SRPRA: variants seen among roughly 807,000 people sequenced by gnomAD.
The protein encoded by SRPRA is SRP receptor subunit alpha.
Under a neutral mutation model 61.1 loss-of-function variants are expected in SRPRA, and 30 were observed. The observed-to-expected ratio is 0.49, with a 90% confidence interval of 0.37 to 0.67. The LOEUF (loss-of-function observed/expected upper bound fraction) is 0.67. SRPRA is among the 30% of genes least tolerant of loss of function. The pLI, the probability that SRPRA is intolerant of heterozygous loss-of-function variation, is 0.00. For missense variants in SRPRA, 759 were observed against 828.4 expected (o/e 0.92, Z 1.03); for synonymous variants, 324 against 299.7 (o/e 1.08, Z -0.84).
At chr11:126,256,539 G>T in the SRPRA span, 2 of 1,606,964 alleles carry the variant, frequency 1.2e-6, no homozygotes, top group Non-Finnish European at 1.7e-6. The surrounding 1 kb of genome is among the most constrained non-coding windows in gnomAD (Gnocchi z 6.6). Flanking sequence ...TCTTCACAAT[G>T]TCAATATGTT....
Position 126,267,709 on chromosome 11 carries a change from C to A in SRPRA, c.205G>T (p.Gly69Cys). ...GTCAGTGTCAGGATCTTCTGAAAAC[C>A]AACCTGTTTAGGGGAAGAAACAGCC... ...DNQFELVFVV[G>C]FQKILTLTYV... The change falls in exon 3 of 14, where the codon GGT (glycine) becomes TGT (cysteine). Residue 69 changes from glycine to cysteine, a missense_variant. This residue lies in a region of SRPRA where 475 missense variants were observed against 462.5 expected (regional missense o/e 1.03). Transcript: ENST00000332118. This position sits in a 1 kb window ranked among gnomAD's most constrained non-coding sequence, Gnocchi z 4.2. 6.2e-7 allele frequency: 1 copy of A among 1,613,996 alleles called. No homozygotes were observed. Among genetic ancestry groups the A allele is most frequent in the Non-Finnish European group, 8.5e-7 (1 of 1,180,008 alleles).
chr11:126,262,794 C>T (rs1406571179), downstream of SRPRA: 5 of 152,656 alleles, frequency 3.3e-5, no homozygotes, highest in South Asian at 6.2e-4. Flanking sequence ...TCAGGACAAC[C>T]GTTTACTTAC....
chr11:126,261,870 T>C (rs917703987), downstream of SRPRA, among the ~76,000 whole-genome samples: 4 of 152,076 alleles, frequency 2.6e-5, no homozygotes, highest in African/African-American at 9.7e-5. Flanking sequence ...TGTGTGCCTA[T>C]AGTCCCGGCT....
At chr11:126,242,493 A>T in the SRPRA span, among the ~76,000 whole-genome samples, 1 of 152,258 alleles carries the variant, frequency 6.6e-6, no homozygotes, top group East Asian at 1.9e-4. Context: ...CACATATCTC[A>T]TAGGCGTATA....
the SRPRA span, chr11:126,256,761 GATTAAAGTC>G: frequency 1.9e-6 from 3 of 1,614,124 alleles, no homozygotes; most frequent in Non-Finnish European, 2.5e-6. This position sits in a 1 kb window ranked among gnomAD's most constrained non-coding sequence, Gnocchi z 6.6. Flanking sequence ...TGGACAAGGG[GATTAAAGTC>G]ATCTCCTATG....
rs1169179991 is a variant in SRPRA, at chr11:126,267,592, T to G, written c.322A>C (p.Asn108His). 6.2e-7 allele frequency: 1 copy of G among 1,614,086 alleles called. No individual in the cohort carries two copies. Among genetic ancestry groups the G allele is most frequent in the African/African-American group, 1.3e-5 (1 of 75,054 alleles). The change falls in exon 3 of 14, where the codon AAT (asparagine) becomes CAT (histidine). Residue 108 changes from asparagine (N) to histidine (H), a missense_variant. Around this residue, in one of 2 missense-constraint regions of SRPRA, gnomAD observed 475 missense variants for 462.5 expected, o/e 1.03. Transcript: ENST00000332118. The surrounding 1 kb of genome is among the most constrained non-coding windows in gnomAD (Gnocchi z 4.2). ...TCATTTTGGAAATCAAAAGTGCCAT[T>G]TAATAAACTTAAAGCACTTTGCTGT... ...IQQQSALSLL[N>H]GTFDFQNDFL...
In SRPRA at chr11:126,266,477, A is replaced by C; in HGVS notation, c.839T>G (p.Leu280Arg). The change falls in exon 6 of 14, where the codon CTG (leucine) becomes CGG (arginine). Residue 280 changes from leucine (L) to arginine (R), a missense_variant and splice_region_variant. By Grantham distance (102) the Leu-to-Arg change is moderately radical. Transcript: ENST00000332118. Reference sequence around the variant, plus strand: ...ACTTTGACCCCTGTTACCTCTTACCAGGTTGATGTCCTCAGACAAGGCAGC... The same window carrying C: ...ACTTTGACCCCTGTTACCTCTTACCCGGTTGATGTCCTCAGACAAGGCAGC... ...PEAALSEDIN[L>R]IRGTGSGGQL... The C allele has an allele frequency of 6.2e-7, 1 of 1,613,510 alleles. No homozygotes were observed. Among genetic ancestry groups the C allele is most frequent in the Non-Finnish European group, 8.5e-7 (1 of 1,179,670 alleles).
At position 126,264,055 on chromosome 11, in the gene SRPRA, A is replaced by T; in HGVS notation, c.1789-11T>A. 1 of 1,614,060 alleles carries T rather than the reference A, an allele frequency of 6.2e-7. No individual in the cohort carries two copies. The highest frequency in any genetic ancestry group is 8.5e-7 in the Non-Finnish European group (1 of 1,179,966). Reference sequence around the variant, plus strand: ...AATAGCAGCTCCCACCTAAGTGGAGAAAGAGGACAGCCCATCAACACAAGC... The same window carrying T: ...AATAGCAGCTCCCACCTAAGTGGAGTAAGAGGACAGCCCATCAACACAAGC... On this transcript the variant is annotated splice_polypyrimidine_tract_variant and intron_variant, in intron 13 of 13. Transcript: ENST00000332118. The surrounding 1 kb of genome is among the most constrained non-coding windows in gnomAD (Gnocchi z 5.0).
chr11:126,265,655 C>G lies in SRPRA; in HGVS notation c.1138+82G>C. ...GAGGTTTAGAGGTTAAGGAATTTGC[C>G]GAAAGTCACATACCTAGTAAGAACT... On this transcript the variant is annotated intron_variant, in intron 9 of 13. Transcript: ENST00000332118. This position sits in a 1 kb window ranked among gnomAD's most constrained non-coding sequence, Gnocchi z 6.3. 6.7e-7 allele frequency: 1 copy of G among 1,502,170 alleles called. No individual in the cohort carries two copies. The highest frequency in any genetic ancestry group is 9.2e-7 in the Non-Finnish European group (1 of 1,086,910). 93.1% of individuals were successfully genotyped at this position (1,502,170 alleles called of 1,614,324 possible).
At chr11:126,262,329 C>G, downstream of SRPRA, 1 of 530,602 alleles carries the variant, frequency 1.9e-6, no homozygotes, top group Non-Finnish European at 3.4e-6. Flanking sequence ...ATTCTGCCGC[C>G]TGTTCAAGTT....
chr11:126,236,928 T>G, the SRPRA span, among the ~76,000 whole-genome samples: 1 of 147,274 alleles, frequency 6.8e-6, no homozygotes, highest in Non-Finnish European at 1.5e-5. Flanking sequence ...TTTTTTTTTT[T>G]TTTTTTTTTA....
rs754574784 is a variant in SRPRA at position 126,265,718 on chromosome 11, C to T, written c.1138+19G>A. ...CTTAACCTACACATAAGCACTTTCT[C>T]ACTTAGGTAAGTACTTACTGCTGAA... On this transcript the variant is annotated intron_variant, in intron 9 of 13. Coordinates refer to ENST00000332118, the MANE Select transcript of SRPRA (RefSeq NM_003139.4). This position sits in a 1 kb window ranked among gnomAD's most constrained non-coding sequence, Gnocchi z 6.3. 1 of 1,612,734 alleles carries T rather than the reference C, an allele frequency of 6.2e-7. No homozygotes were observed. Among genetic ancestry groups the T allele is most frequent in the East Asian group, 2.2e-5 (1 of 44,900 alleles).
At chr11:126,240,126 G>A in the SRPRA span, among the ~76,000 whole-genome samples, 1 of 152,144 alleles carries the variant, frequency 6.6e-6, no homozygotes, top group Non-Finnish European at 1.5e-5. Context: ...TCTCACATAT[G>A]GGCCTCAGAA....
rs1316022867 is a variant in SRPRA, at chr11:126,266,882, T to C, written c.567A>G (p.Ala189=). Residue 189 remains alanine (A), a synonymous_variant, in exon 5 of 14, where the codon GCA becomes GCG. Transcript: ENST00000332118. ...GPLATSKPVP[A]EKSGLPVGPE... ...GACCCACTGGAAGACCTGACTTTTCTGCAGGGACTGGTTTGCTGGTAGCCA... is the reference window on the plus strand; with the variant it reads ...GACCCACTGGAAGACCTGACTTTTCCGCAGGGACTGGTTTGCTGGTAGCCA... 6.2e-7 allele frequency: 1 copy of C among 1,614,114 alleles called. No homozygotes were observed. Among genetic ancestry groups the C allele is most frequent in the Non-Finnish European group, 8.5e-7 (1 of 1,180,050 alleles).
rs895136782 is a variant in SRPRA, at chr11:126,264,109, G to A, written c.1789-65C>T. 13 of 1,612,780 alleles carry A rather than the reference G, an allele frequency of 8.1e-6. No individual in the cohort carries two copies. The African/African-American group carries it at 1.2e-4, about 15-fold the overall frequency. ...CTTTTCACTCACCCTCTCAGGAACA[G>A]GAAGCGCTGGAGCCAAGATTTCCTT... On this transcript the variant is annotated intron_variant, in intron 13 of 13. Coordinates refer to ENST00000332118, the MANE Select transcript of SRPRA (RefSeq NM_003139.4). This position sits in a 1 kb window ranked among gnomAD's most constrained non-coding sequence, Gnocchi z 5.0.
rs1001382881 is a variant in SRPRA at position 126,265,977 on chromosome 11, C to T, written c.1037G>A (p.Arg346His). The change falls in exon 8 of 14, where the codon CGT becomes CAT. Residue 346 changes from arginine to histidine, a missense_variant. Coordinates refer to ENST00000332118, the MANE Select transcript of SRPRA (RefSeq NM_003139.4). This position sits in a 1 kb window ranked among gnomAD's most constrained non-coding sequence, Gnocchi z 6.3. ...EDMESVLDKMRDHLIAKNVAA... is the reference protein window; with the variant it reads ...EDMESVLDKMHDHLIAKNVAA... ...TCAGAACTTACCAATGAGATGATCA[C>T]GCATCTTGTCCAGCACAGATTCCAT... 8 of 1,614,172 alleles carry T rather than the reference C, an allele frequency of 5.0e-6. No individual in the cohort carries two copies. Among genetic ancestry groups the T allele is most frequent in the Non-Finnish European group, 5.9e-6 (7 of 1,180,018 alleles).
the SRPRA span, among the ~76,000 whole-genome samples, chr11:126,253,052 G>T: frequency 6.6e-6 from 1 of 152,114 alleles, no homozygotes; most frequent in Non-Finnish European, 1.5e-5. The surrounding 1 kb of genome is among the most constrained non-coding windows in gnomAD (Gnocchi z 5.1). Context: ...ACAAACAAAT[G>T]ATTGAAATTT....
chr11:126,250,813 T>A, the SRPRA span: 4 of 1,135,842 alleles, frequency 3.5e-6, no homozygotes, highest in Admixed American at 8.1e-5. The surrounding 1 kb of genome is among the most constrained non-coding windows in gnomAD (Gnocchi z 5.1). Context: ...AGTTGGTATA[T>A]TGGTATTTAT....
rs756638995 is a variant in SRPRA, at chr11:126,265,196, T to G, written c.1312-24A>C. The G allele has an allele frequency of 1.3e-5, 21 of 1,613,848 alleles. No homozygotes were observed. The highest frequency in any genetic ancestry group is 1.6e-4 in the Middle Eastern group (1 of 6,084). ...ATCTGTGAAAAAGACGTAAGAAAAG[T>G]CACCTAAAGCCAGGATTTTGAGACA... On this transcript the variant is annotated intron_variant, in intron 10 of 13. Coordinates refer to ENST00000332118, the MANE Select transcript of SRPRA (RefSeq NM_003139.4). This position sits in a 1 kb window ranked among gnomAD's most constrained non-coding sequence, Gnocchi z 6.3.
Sources: gnomAD v4.1 joint callset for allele counts (sites outside exome capture counted in the v4.1 genomes callset) on GRCh38, gnomAD v4.1.1 for gene constraint, gnomAD v4.1.1 regional missense constraint, Gnocchi (gnomAD v3.1) non-coding constraint, MANE v1.5 for transcripts, NCBI Gene and HGNC (gene_info 2026-07-23, HGNC 2026-07-21) for gene names.